DPF3: variants seen among roughly 807,000 people sequenced by gnomAD.
The protein encoded by DPF3 is double PHD fingers 3.
A neutral mutation model predicts 56.8 loss-of-function variants in DPF3; 18 were observed. The observed-to-expected ratio is 0.32, with a 90% CI of 0.22 to 0.47. The LOEUF is 0.47. Ranked by LOEUF, DPF3 falls within the 20% of genes least tolerant of loss-of-function variation. DPF3 has a pLI of 1.00. For synonymous variants in DPF3, 188 were observed against 180.2 expected, an observed-to-expected ratio of 1.04 and a Z score of -0.35; for missense variants, 403 against 488.8, an observed-to-expected ratio of 0.82 and a Z score of 1.65.
chr14:72,654,291 T>C (rs892711763), intron 8 of DPF3, among the ~76,000 whole-genome samples: 1 of 152,084 alleles, frequency 6.6e-6, no homozygotes, highest in Non-Finnish European at 1.5e-5. Flanking sequence ...TGCTCAGGTA[T>C]TTCCCACTCT....
chr14:72,795,291 A>ATAT (rs1158510213), intron 1 of DPF3, among the ~76,000 whole-genome samples: 6,713 of 121,126 alleles, frequency 0.055, 136 homozygotes, highest in Non-Finnish European at 0.086. Flanking sequence ...AAAAAAAAAA[A>ATAT]AAAAATATAT....
At chr14:72,846,404 C>A (rs540276374) in intron 1 of DPF3, among the ~76,000 whole-genome samples, 1 of 141,212 alleles carries the variant, frequency 7.1e-6, no homozygotes, top group East Asian at 2.1e-4. Flanking sequence ...GGTGCGATCT[C>A]GGCTCACTGC....
At chr14:72,816,260 C>G (rs555100954) in intron 1 of DPF3, among the ~76,000 whole-genome samples, 7 of 152,296 alleles carry the variant, frequency 4.6e-5, no homozygotes, top group Admixed American at 2.0e-4. Context: ...CACCCTGGGA[C>G]CAACAGATTC....
intron 8 of DPF3, among the ~76,000 whole-genome samples, chr14:72,631,821 A>G (rs574628566): frequency 1.3e-5 from 2 of 152,344 alleles, no homozygotes; most frequent in East Asian, 1.9e-4. Context: ...CCATGAAGGA[A>G]AAGCATAATT....
chr14:72,652,298 G>T (rs1367781751), intron 8 of DPF3, among the ~76,000 whole-genome samples: 1 of 152,164 alleles, frequency 6.6e-6, no homozygotes, highest in Non-Finnish European at 1.5e-5. Flanking sequence ...GGAGAGGCGG[G>T]TGGTCCCCAT....
In DPF3 at chr14:72,892,962, AGGAAGGAAGGAAG is replaced by A. The variant is rs1449327273; in HGVS notation, c.32+1082_32+1094del. 1.7e-3 allele frequency among the ~76,000 whole-genome samples: 92 copies of A among 54,040 alleles called. 2 individuals are homozygous for A. Among genetic ancestry groups the A allele is most frequent in the African/African-American group, 8.4e-3 (82 of 9,806 alleles). The allele number at this position is 54,040 out of a possible 152,430, so 35.5% of individuals were successfully genotyped here. On this transcript the variant is annotated intron_variant, in intron 1 of 10. Coordinates refer to ENST00000556509, the MANE Select transcript of DPF3 (RefSeq NM_001280542.3). ...CTGACTGGAAGGAAGGAAGGAAGGAAGGAAGGAAGGAAGGAAGGAAGGAAGGAAGGAAGGAAGG... is the reference window on the plus strand; with the variant it reads ...CTGACTGGAAGGAAGGAAGGAAGGAAGAAGGAAGGAAGGAAGGAAGGAAGG...
intron 3 of DPF3, among the ~76,000 whole-genome samples, chr14:72,741,040 AAAAT>A (rs1348683601): frequency 6.6e-6 from 1 of 152,190 alleles, no homozygotes; most frequent in Non-Finnish European, 1.5e-5. Context: ...CCCGTCTCTA[AAAAT>A]AAATAAATAA....
At chr14:72,870,094 T>A (rs566305280) in intron 1 of DPF3, among the ~76,000 whole-genome samples, 1 of 152,308 alleles carries the variant, frequency 6.6e-6, no homozygotes, top group South Asian at 2.1e-4. Context: ...CATAGGGGCC[T>A]GGTGTTTGGA....
chr14:72,654,153 C>T (rs1885999134), intron 8 of DPF3, among the ~76,000 whole-genome samples: 1 of 152,198 alleles, frequency 6.6e-6, no homozygotes, highest in Non-Finnish European at 1.5e-5. Flanking sequence ...TCAAGCCCCA[C>T]CACAGTGTGG....
In DPF3 at chr14:72,830,928, C is replaced by T. The variant is rs1434185822; in HGVS notation, c.33-59035G>A. On this transcript the variant is annotated intron_variant, in intron 1 of 10. Coordinates refer to ENST00000556509, the MANE Select transcript of DPF3 (RefSeq NM_001280542.3). The stretch of plus-strand genomic sequence containing the variant: ...AATTAAAGCTGTAAAATAAGCCTGG[C>T]GCACCTCGGGCCTCTGCCCTGGGCT... 4.6e-5 allele frequency among the ~76,000 whole-genome samples: 7 copies of T among 152,288 alleles called. No individual in the cohort carries two copies. In the South Asian group the frequency reaches 6.2e-4, roughly 14 times the overall value.
intron 1 of DPF3, among the ~76,000 whole-genome samples, chr14:72,889,429 T>C (rs1478365709): frequency 6.6e-6 from 1 of 152,228 alleles, no homozygotes. Flanking sequence ...ATCTGTTGGC[T>C]TACAACGTCC....
intron 8 of DPF3, among the ~76,000 whole-genome samples, chr14:72,638,481 G>A (rs1233259110): frequency 6.6e-6 from 1 of 151,828 alleles, no homozygotes; most frequent in Non-Finnish European, 1.5e-5. Flanking sequence ...ACTGTCCTGA[G>A]TACATCCAGG....
rs77597141 is a variant in DPF3 at position 72,751,717 on chromosome 14, G to A, written c.301+1547C>T. Among the ~76,000 whole-genome samples the A allele has an allele frequency of 5.6e-4, 85 of 152,120 alleles. 2 individuals are homozygous for A. The East Asian group carries it at 0.016, about 28-fold the overall frequency. The stretch of plus-strand genomic sequence containing the variant: ...CTGAAATGATGTTTTTGATATGTTG[G>A]GTTAAATGGAATATATTATTGAAAT... On this transcript the variant is annotated intron_variant, in intron 3 of 10. Coordinates refer to ENST00000556509, the MANE Select transcript of DPF3 (RefSeq NM_001280542.3).
At chr14:72,709,412 T>C (rs1174928406) in intron 6 of DPF3, among the ~76,000 whole-genome samples, 3 of 152,152 alleles carry the variant, frequency 2.0e-5, no homozygotes, top group African/African-American at 7.2e-5. Flanking sequence ...AGATTTAAAT[T>C]TAAAAGACTG....
intron 1 of DPF3, among the ~76,000 whole-genome samples, chr14:72,842,171 C>G (rs921882287): frequency 6.6e-6 from 1 of 152,088 alleles, no homozygotes; most frequent in Admixed American, 6.6e-5. Flanking sequence ...AATTGGCACC[C>G]CTTTGGAAAA....
chr14:72,741,513 G>A (rs1260299080), intron 3 of DPF3, among the ~76,000 whole-genome samples: 1 of 152,230 alleles, frequency 6.6e-6, no homozygotes. Context: ...GGGCCCCCCA[G>A]GCCAGGCTGG....
chr14:72,773,758 T>A (rs1469101898), intron 1 of DPF3: 1 of 448,380 alleles, frequency 2.2e-6, no homozygotes, highest in Non-Finnish European at 4.4e-6. Flanking sequence ...CTTAGCATAA[T>A]ATCCTCAGGG....
chr14:72,669,924 A>G (rs1179400555), intron 8 of DPF3: 2 of 985,814 alleles, frequency 2.0e-6, no homozygotes, highest in African/African-American at 3.5e-5. Context: ...TTTTGCCCAC[A>G]TTGCAAGACA....
At chr14:72,797,766 C>T (rs925057475) in intron 1 of DPF3, among the ~76,000 whole-genome samples, 7 of 152,158 alleles carry the variant, frequency 4.6e-5, no homozygotes, top group African/African-American at 1.7e-4. Context: ...TGATCGAAAA[C>T]TAGACTGGTT....
Sources: gnomAD v4.1 joint callset for allele counts (sites outside exome capture counted in the v4.1 genomes callset) on GRCh38, gnomAD v4.1.1 for gene constraint, MANE v1.5 for transcripts, NCBI Gene and HGNC (gene_info 2026-07-23, HGNC 2026-07-21) for gene names.